MAGI1: variants seen among roughly 807,000 people sequenced by gnomAD.
MAGI1 encodes membrane associated guanylate kinase, WW and PDZ domain containing 1.
Under a neutral mutation model 139.9 loss-of-function variants are expected in MAGI1, and 58 were observed. The observed-to-expected ratio is 0.41, with a 90% CI of 0.34 to 0.52. MAGI1 has a LOEUF of 0.52. Among genes scored for constraint, MAGI1 ranks in the 20% least tolerant of loss-of-function variants. MAGI1 has a pLI of 0.12. For synonymous variants in MAGI1, 812 were observed against 737.9 expected, an observed-to-expected ratio of 1.10 and a Z score of -1.63; for missense variants, 1,874 against 1,901.6, an observed-to-expected ratio of 0.99 and a Z score of 0.27.
intron 2 of MAGI1, among the ~76,000 whole-genome samples, chr3:65,585,987 C>A (rs2081654015): frequency 6.6e-6 from 1 of 152,108 alleles, no homozygotes; most frequent in African/African-American, 2.4e-5. Context: ...GCAGGAGGAT[C>A]AGCGGAGCCC....
intron 1 of MAGI1, among the ~76,000 whole-genome samples, chr3:65,999,942 T>C: frequency 6.6e-6 from 1 of 151,026 alleles, no homozygotes. Context: ...GAAAATGTAC[T>C]CTGGTTAATC....
chr3:65,566,408 G>A (rs991914105), intron 2 of MAGI1, among the ~76,000 whole-genome samples: 2 of 151,740 alleles, frequency 1.3e-5, no homozygotes, highest in African/African-American at 2.4e-5. Context: ...GATTCAGGGT[G>A]ATTTTTATGT....
chr3:65,490,707 A>G (rs1376065320), intron 3 of MAGI1, among the ~76,000 whole-genome samples: 1 of 151,714 alleles, frequency 6.6e-6, no homozygotes, highest in Non-Finnish European at 1.5e-5. Flanking sequence ...AGCCGGGCAC[A>G]GTGGCATGCA....
intron 12 of MAGI1, 84 bp from the exon 13 acceptor site, chr3:65,401,554 G>A (rs754619010): frequency 1.3e-6 from 2 of 1,564,008 alleles, no homozygotes; most frequent in Non-Finnish European, 1.7e-6. Flanking sequence ...ACAATCCCCA[G>A]GTGTTCCATG....
intron 2 of MAGI1, among the ~76,000 whole-genome samples, chr3:65,551,412 C>A (rs1383162720): frequency 6.6e-6 from 1 of 152,150 alleles, no homozygotes; most frequent in Non-Finnish European, 1.5e-5. Flanking sequence ...GCGATTCTCA[C>A]GCCTCAGCTC....
intron 1 of MAGI1, among the ~76,000 whole-genome samples, chr3:65,746,131 G>T (rs1559843082): frequency 6.6e-6 from 1 of 152,120 alleles, no homozygotes; most frequent in African/African-American, 2.4e-5. Flanking sequence ...TGCCTCCCAG[G>T]TTCAAGCGAT....
chr3:65,963,717 G>A (rs2064588211), intron 1 of MAGI1, among the ~76,000 whole-genome samples: 1 of 152,096 alleles, frequency 6.6e-6, no homozygotes, highest in Non-Finnish European at 1.5e-5. Flanking sequence ...GGCCCTATGC[G>A]AACTACTTTA....
chr3:65,743,127 A>C (rs1423995659), intron 1 of MAGI1, among the ~76,000 whole-genome samples: 2 of 152,104 alleles, frequency 1.3e-5, no homozygotes, highest in East Asian at 3.9e-4. Flanking sequence ...GATTCATACC[A>C]CATCATCTCA....
At chr3:65,687,727 G>A (rs1280240299) in intron 1 of MAGI1, 1 of 538,958 alleles carries the variant, frequency 1.9e-6, no homozygotes, top group East Asian at 5.2e-5. Context: ...CAAAGTCGGG[G>A]GAAGCCTGAG....
At chr3:65,493,851 G>C (rs1363782509) in intron 2 of MAGI1, among the ~76,000 whole-genome samples, 2 of 152,158 alleles carry the variant, frequency 1.3e-5, no homozygotes, top group East Asian at 1.9e-4. Flanking sequence ...CCAAATGGGA[G>C]AGAGAGAAAA....
intron 1 of MAGI1, among the ~76,000 whole-genome samples, chr3:65,699,636 C>G (rs1476040599): frequency 6.8e-6 from 1 of 147,400 alleles, no homozygotes; most frequent in Non-Finnish European, 1.5e-5. Context: ...AACAAAAAAC[C>G]AAACACCTCA....
intron 1 of MAGI1, among the ~76,000 whole-genome samples, chr3:66,016,391 A>T (rs1260080533): frequency 1.3e-5 from 2 of 152,192 alleles, no homozygotes; most frequent in East Asian, 3.9e-4. Flanking sequence ...CATGAAATTC[A>T]AATCCTGTGC....
intron 1 of MAGI1, among the ~76,000 whole-genome samples, chr3:65,985,235 G>A (rs930841770): frequency 4.6e-5 from 7 of 152,184 alleles, no homozygotes; most frequent in African/African-American, 1.7e-4. Flanking sequence ...ACAAGTTATT[G>A]TTAACATTAT....
At chr3:65,782,231 A>G (rs940587953) in intron 1 of MAGI1, among the ~76,000 whole-genome samples, 8 of 152,230 alleles carry the variant, frequency 5.3e-5, no homozygotes, top group Admixed American at 1.3e-4. Context: ...AAATAGGATT[A>G]TCTGGGTGGG....
chr3:65,597,939 GA>G (rs2082303365), intron 2 of MAGI1: 1 of 433,316 alleles, frequency 2.3e-6, no homozygotes, highest in Non-Finnish European at 4.6e-6. Flanking sequence ...GGGGGGGTGG[GA>G]CCGAACCCCT....
chr3:65,555,646 C>G (rs553568746), intron 2 of MAGI1, among the ~76,000 whole-genome samples: 205 of 152,180 alleles, frequency 1.3e-3, no homozygotes, highest in Non-Finnish European at 2.1e-3. Flanking sequence ...AACACTTGAG[C>G]CAAGGTCAAG....
intron 1 of MAGI1, among the ~76,000 whole-genome samples, chr3:65,699,767 A>G (rs987319926): frequency 3.4e-5 from 5 of 148,742 alleles, no homozygotes; most frequent in Non-Finnish European, 7.5e-5. Context: ...TGGGAGATAT[A>G]CCTAATGCTA....
At chr3:66,023,793 G>A (rs1026160072) in intron 1 of MAGI1, among the ~76,000 whole-genome samples, 1 of 152,052 alleles carries the variant, frequency 6.6e-6, no homozygotes, top group South Asian at 2.1e-4. Context: ...ATCACTTCAG[G>A]GCAGAGAATA....
chr3:65,595,569 G>C (rs1008853126), intron 2 of MAGI1, among the ~76,000 whole-genome samples: 1 of 152,124 alleles, frequency 6.6e-6, no homozygotes, highest in African/African-American at 2.4e-5. Context: ...CCATGCTTTT[G>C]CTCAGCAAGG....
Sources: allele counts gnomAD v4.1 joint callset (sites outside exome capture counted in the v4.1 genomes callset), GRCh38; gene constraint gnomAD v4.1.1; transcripts MANE v1.5; gene names NCBI Gene and HGNC (gene_info 2026-07-23, HGNC 2026-07-21).